Variants in CCDC191 observed in about 807,000 individuals in gnomAD.
The protein encoded by CCDC191 is coiled-coil domain-containing protein 191.
Under a neutral mutation model 114.0 loss-of-function variants are expected in CCDC191, and 99 were observed. The ratio of observed to expected loss-of-function variants is 0.87; its 90% CI spans 0.74 to 1.03. The LOEUF (loss-of-function observed/expected upper bound fraction) is 1.03, where lower values mean the gene tolerates loss of function less well. Ranked by LOEUF, CCDC191 falls within the 50% of genes least tolerant of loss-of-function variation. The pLI, the probability that CCDC191 is intolerant of heterozygous loss-of-function variation, is 0.00. For missense variants in CCDC191, 973 were observed against 1,087.0 expected (o/e 0.90, Z 1.47); for synonymous variants, 351 against 376.0 (o/e 0.93, Z 0.77).
intron 3 of CCDC191, among the ~76,000 whole-genome samples, chr3:114,045,129 A>G (rs980514825): frequency 3.9e-5 from 6 of 152,084 alleles, no homozygotes; most frequent in Admixed American, 2.0e-4. Flanking sequence ...CAACTGCAGG[A>G]CTTCTCAAAA....
At chr3:114,037,290 C>G (rs1441904287) in intron 4 of CCDC191, among the ~76,000 whole-genome samples, 3 of 152,152 alleles carry the variant, frequency 2.0e-5, no homozygotes, top group African/African-American at 7.2e-5. Context: ...TAAACTCTTC[C>G]TTTCACTCCT....
In CCDC191 at chr3:114,006,606, AT is replaced by A. The variant is rs1190791165; in HGVS notation, c.1414-645del. On this transcript the variant is annotated intron_variant, in intron 9 of 16. Transcript: ENST00000295878. Reference sequence around the variant, plus strand: ...ACTCCAGATATATATATATATATATATATATATATATAAATATATATATTTT... The same window carrying A: ...ACTCCAGATATATATATATATATATAATATATATATAAATATATATATTTT... Among the ~76,000 whole-genome samples, 15 of 133,502 alleles carry A rather than the reference AT, an allele frequency of 1.1e-4. 2 individuals are homozygous for A. The highest frequency in any genetic ancestry group is 3.3e-4 in the African/African-American group (11 of 33,508). The allele number at this position is 133,502 out of a possible 152,430, so 87.6% of individuals were successfully genotyped here. A position where few individuals can be genotyped will look rare whatever the true frequency, so the allele number is the denominator to read the frequency against.
At chr3:113,970,444 G>A (rs1300866879) in intron 16 of CCDC191, among the ~76,000 whole-genome samples, 1 of 152,092 alleles carries the variant, frequency 6.6e-6, no homozygotes, top group African/African-American at 2.4e-5. Flanking sequence ...ACAGCCATGA[G>A]CCATCACATC....
chr3:114,056,527 G>A, upstream of CCDC191: 2 of 1,612,198 alleles, frequency 1.2e-6, no homozygotes, highest in Non-Finnish European at 1.7e-6. Flanking sequence ...TGCCCGGGCT[G>A]CCTCCGGGTC....
Position 113,978,978 on chromosome 3 carries a change from C to G in CCDC191, c.2340G>C (p.Gln780His), listed in dbSNP as rs761695639. Residue 780 changes from glutamine (Q) to histidine (H), a missense_variant, in exon 15 of 17, where the codon CAG (glutamine) becomes CAC (histidine). Coordinates refer to ENST00000295878, the MANE Select transcript of CCDC191 (RefSeq NM_020817.2). ...GGAACCACGTCAGCATGTATTTCCT[C>G]TGCAGGAACAAAGAGTAATGTTCTT... is the stretch of plus-strand genomic sequence containing the variant. ...VAEEHYSLFL[Q>H]RKYMLTWFQR... 6.2e-7 allele frequency: 1 copy of G among 1,614,014 alleles called. No individual in the cohort carries two copies. Among genetic ancestry groups the G allele is most frequent in the Non-Finnish European group, 8.5e-7 (1 of 1,179,938 alleles).
At chr3:114,003,852 T>C in intron 11 of CCDC191, 1 of 985,444 alleles carries the variant, frequency 1.0e-6, no homozygotes, top group East Asian at 1.1e-4. Flanking sequence ...AATATAATTG[T>C]CAAAGTGCCA....
intron 13 of CCDC191, among the ~76,000 whole-genome samples, chr3:114,000,177 G>C (rs1386934733): frequency 6.6e-6 from 1 of 152,204 alleles, no homozygotes; most frequent in Non-Finnish European, 1.5e-5. Flanking sequence ...ATTAGCATTT[G>C]AGTTGGTGGC....
intron 9 of CCDC191, among the ~76,000 whole-genome samples, chr3:114,008,225 A>G (rs1306429752): frequency 6.6e-6 from 1 of 150,512 alleles, no homozygotes; most frequent in Non-Finnish European, 1.5e-5. Flanking sequence ...GTAAGGTAAA[A>G]GGTTCCATAC....
At chr3:113,968,372 C>T (rs1188225522) in intron 16 of CCDC191, among the ~76,000 whole-genome samples, 1 of 152,118 alleles carries the variant, frequency 6.6e-6, no homozygotes, top group African/African-American at 2.4e-5. Flanking sequence ...TTGGATTTCT[C>T]TGATAATTAG....
intron 16 of CCDC191, among the ~76,000 whole-genome samples, chr3:113,967,483 T>C (rs1426016820): frequency 6.6e-6 from 1 of 152,238 alleles, no homozygotes; most frequent in Admixed American, 6.5e-5. Context: ...ATTTATAGCC[T>C]ATCTATAGCT....
chr3:114,040,344 CAT>C (rs2076543982), intron 4 of CCDC191, among the ~76,000 whole-genome samples: 1 of 152,140 alleles, frequency 6.6e-6, no homozygotes, highest in African/African-American at 2.4e-5. Context: ...TTAAGCAACA[CAT>C]GATTGTATTA....
chr3:114,025,274 C>A lies in CCDC191; in HGVS notation c.972+6352G>T, dbSNP rs1010489610. ...TTCAACTTACCAAAAAAAAAAAAAA[C>A]AAAACCCAAACCCTATCACTGTTCT... On this transcript the variant is annotated intron_variant, in intron 7 of 16. Transcript: ENST00000295878. 3.1e-3 allele frequency among the ~76,000 whole-genome samples: 431 copies of A among 139,660 alleles called. 1 individual carries two copies. The highest frequency in any genetic ancestry group is 4.5e-3 in the Non-Finnish European group (289 of 63,948). The allele number at this position is 139,660 out of a possible 152,430, so 91.6% of individuals were successfully genotyped here.
intron 13 of CCDC191, among the ~76,000 whole-genome samples, chr3:113,999,745 T>C (rs2075816046): frequency 6.6e-6 from 1 of 152,212 alleles, no homozygotes; most frequent in Admixed American, 6.5e-5. Context: ...TTTCTCCTTA[T>C]TTTGCTATGA....
intron 13 of CCDC191, among the ~76,000 whole-genome samples, chr3:113,995,886 G>T (rs921968137): frequency 2.0e-5 from 3 of 152,162 alleles, no homozygotes; most frequent in Non-Finnish European, 4.4e-5. Context: ...GTGATGATGA[G>T]CTTTTTTCTC....
chr3:114,025,169 C>T (rs1352404323), intron 7 of CCDC191, among the ~76,000 whole-genome samples: 3 of 146,278 alleles, frequency 2.1e-5, no homozygotes, highest in Non-Finnish European at 4.5e-5. Flanking sequence ...CGGCTATAGA[C>T]AAAAAAACTA....
chr3:113,985,432 T>C (rs999770201), intron 13 of CCDC191, among the ~76,000 whole-genome samples: 10 of 152,100 alleles, frequency 6.6e-5, no homozygotes, highest in African/African-American at 2.2e-4. Context: ...GGAAGGTCTT[T>C]AAGGTCACAG....
intron 4 of CCDC191, chr3:114,039,526 T>G (rs1004284103): frequency 2.6e-5 from 4 of 151,996 alleles, no homozygotes; most frequent in Admixed American, 6.6e-5. Flanking sequence ...AGGTTAACTG[T>G]AAAATAGCCC....
At chr3:113,981,729 TAC>T (rs1209657640) in intron 13 of CCDC191, among the ~76,000 whole-genome samples, 1 of 152,184 alleles carries the variant, frequency 6.6e-6, no homozygotes, top group Non-Finnish European at 1.5e-5. Context: ...AGAGAAACAT[TAC>T]AGAGAGAGCA....
At chr3:114,002,100 T>G (rs892293412) in intron 12 of CCDC191, among the ~76,000 whole-genome samples, 2 of 152,206 alleles carry the variant, frequency 1.3e-5, no homozygotes, top group African/African-American at 4.8e-5. Flanking sequence ...CAAAATTTAC[T>G]TTGGATAGTC....
Sources: allele counts gnomAD v4.1 joint callset (sites outside exome capture counted in the v4.1 genomes callset), GRCh38; gene constraint gnomAD v4.1.1; transcripts MANE v1.5; gene names NCBI Gene and HGNC (gene_info 2026-07-23, HGNC 2026-07-21).